The following TMEM255B variants were observed in gnomAD, a reference collection of about 807,000 sequenced individuals.
TMEM255B encodes family with sequence similarity 70, member B.
A neutral mutation model predicts 34.5 loss-of-function variants in TMEM255B; 35 were observed. That is an observed-to-expected ratio of 1.01 (90% CI 0.77 to 1.34). The LOEUF is 1.34. Ranked by LOEUF, TMEM255B falls within the 40% of genes most tolerant of loss-of-function variation. The pLI, the probability that TMEM255B is intolerant of heterozygous loss-of-function variation, is 0.00. For missense variants in TMEM255B, 432 were observed against 433.2 expected (o/e 1.00, Z 0.02); for synonymous variants, 206 against 201.2 (o/e 1.02, Z -0.20).
At chr13:113,767,819 G>GT (rs906379158) in intron 2 of TMEM255B, among the ~76,000 whole-genome samples, 4 of 152,146 alleles carry the variant, frequency 2.6e-5, no homozygotes, top group African/African-American at 4.8e-5. Flanking sequence ...GAAAGGTGTG[G>GT]TTTTTTTCAA....
At chr13:113,792,723 AGAG>A (rs2050852686) in intron 3 of TMEM255B, among the ~76,000 whole-genome samples, 1 of 152,262 alleles carries the variant, frequency 6.6e-6, no homozygotes, top group Admixed American at 6.5e-5. Context: ...ATTAGGCAGA[AGAG>A]GAGATTTTTA....
At position 113,806,259 on chromosome 13, in the gene TMEM255B, C is replaced by T. The variant is rs2051169777; in HGVS notation, c.813+1231C>T. 6.6e-6 allele frequency among the ~76,000 whole-genome samples: 1 copy of T among 152,080 alleles called. No homozygotes were observed. Among genetic ancestry groups the T allele is most frequent in the African/African-American group, 2.4e-5 (1 of 41,418 alleles). On this transcript the variant is annotated intron_variant, in intron 8 of 8. Transcript: ENST00000375353. The surrounding 1 kb of genome is among the most constrained non-coding windows in gnomAD (Gnocchi z 4.2). ...GGGACCCCGAGGAGGGAGCAGGAAC[C>T]AGCACTCATGGAGATGGTGCGTCTG...
At chr13:113,761,784 A>C (rs75345969) in intron 1 of TMEM255B, among the ~76,000 whole-genome samples, 2,336 of 152,288 alleles carry the variant, frequency 0.015, 50 homozygotes, top group African/African-American at 0.053. Flanking sequence ...TTTCCATCCT[A>C]CAGGTCAGGA....
At position 113,799,392 on chromosome 13, in the gene TMEM255B, G is replaced by T; in HGVS notation, c.396G>T (p.Gly132=). ...GRCQFYSSGV[G]YLYDVYQTEV... Reference sequence around the variant, plus strand: ...GCCAGTTTTACTCCAGTGGGGTGGGGTACTTGTACGATGTCTACCAGACAG... The same window carrying T: ...GCCAGTTTTACTCCAGTGGGGTGGGTTACTTGTACGATGTCTACCAGACAG... The change falls in exon 5 of 9, where the codon GGG becomes GGT. Residue 132 remains glycine (G), a synonymous_variant. Transcript: ENST00000375353. 1 of 1,614,158 alleles carries T rather than the reference G, an allele frequency of 6.2e-7. No individual in the cohort carries two copies. Among genetic ancestry groups the T allele is most frequent in the Middle Eastern group, 1.7e-4 (1 of 6,044 alleles).
intron 3 of TMEM255B, among the ~76,000 whole-genome samples, chr13:113,792,748 C>T (rs1219122675): frequency 6.6e-6 from 1 of 152,248 alleles, no homozygotes; most frequent in African/African-American, 2.4e-5. Context: ...ATTGCCACAG[C>T]CTGTAGAAAG....
intron 3 of TMEM255B, among the ~76,000 whole-genome samples, chr13:113,791,137 G>A (rs1446251065): frequency 6.6e-6 from 1 of 152,180 alleles, no homozygotes; most frequent in Non-Finnish European, 1.5e-5. Flanking sequence ...CCTCTCAACG[G>A]TCTGGGCCTG....
chr13:113,796,250 CCA>C (rs1321346570), intron 4 of TMEM255B, among the ~76,000 whole-genome samples: 4 of 149,864 alleles, frequency 2.7e-5, no homozygotes, highest in Admixed American at 2.7e-4. Context: ...ATAGCACACA[CCA>C]CAGAGTACAC....
intron 3 of TMEM255B, among the ~76,000 whole-genome samples, chr13:113,783,396 C>T (rs1177212153): frequency 3.3e-5 from 5 of 152,132 alleles, no homozygotes; most frequent in South Asian, 2.1e-4. Flanking sequence ...AGTTTATCTG[C>T]GTCGGCCTCA....
rs1379303823 is a variant in TMEM255B, at chr13:113,800,748, A to G, written c.424-79A>G. ...GCCTCAGTGGCCGCTCCCAGCTCCCATGAGGCAGCCCTGCCCTTGGTGGGG... is the reference window on the plus strand; with the variant it reads ...GCCTCAGTGGCCGCTCCCAGCTCCCGTGAGGCAGCCCTGCCCTTGGTGGGG... On this transcript the variant is annotated intron_variant, in intron 5 of 8. Transcript: ENST00000375353. 10 of 1,397,534 alleles carry G rather than the reference A, an allele frequency of 7.2e-6. No homozygotes were observed. In the East Asian group the frequency reaches 9.9e-5, roughly 14 times the overall value. 86.6% of individuals were successfully genotyped at this position (1,397,534 alleles called of 1,614,324 possible).
At chr13:113,774,958 A>G (rs1364510825) in intron 3 of TMEM255B, among the ~76,000 whole-genome samples, 1 of 146,652 alleles carries the variant, frequency 6.8e-6, no homozygotes, top group Non-Finnish European at 1.5e-5. Flanking sequence ...ACAACACACG[A>G]CACACACCAC....
At chr13:113,792,137 T>C (rs923398960) in intron 3 of TMEM255B, among the ~76,000 whole-genome samples, 1 of 152,258 alleles carries the variant, frequency 6.6e-6, no homozygotes, top group African/African-American at 2.4e-5. Context: ...TCTGTGTGTG[T>C]TTTTATGTAT....
chr13:113,802,521 C>T (rs1484724575), intron 7 of TMEM255B, among the ~76,000 whole-genome samples: 1 of 152,208 alleles, frequency 6.6e-6, no homozygotes, highest in African/African-American at 2.4e-5. Context: ...CGAGGGGCGC[C>T]CCCTCTTGCA....
At chr13:113,772,603 G>A (rs2050496032) in intron 3 of TMEM255B, among the ~76,000 whole-genome samples, 1 of 152,146 alleles carries the variant, frequency 6.6e-6, no homozygotes, top group South Asian at 2.1e-4. Flanking sequence ...TGTGAGGTAG[G>A]GACCCATGTT....
At chr13:113,771,747 C>T (rs1227183046) in intron 3 of TMEM255B, among the ~76,000 whole-genome samples, 1 of 152,188 alleles carries the variant, frequency 6.6e-6, no homozygotes, top group Non-Finnish European at 1.5e-5. Flanking sequence ...CTTATCCATA[C>T]ACCAGTTGAT....
In TMEM255B at chr13:113,806,514, G is replaced by A. The variant is rs2051175292; in HGVS notation, c.813+1486G>A. Among the ~76,000 whole-genome samples, 1 of 152,154 alleles carries A rather than the reference G, an allele frequency of 6.6e-6. No homozygotes were observed. Among genetic ancestry groups the A allele is most frequent in the Admixed American group, 6.5e-5 (1 of 15,286 alleles). On this transcript the variant is annotated intron_variant, in intron 8 of 8. Coordinates refer to ENST00000375353, the MANE Select transcript of TMEM255B (RefSeq NM_182614.4). This position sits in a 1 kb window ranked among gnomAD's most constrained non-coding sequence, Gnocchi z 4.2. The stretch of plus-strand genomic sequence containing the variant: ...GGGCCCTGCTCCCTGGGAACACAAG[G>A]CCCCTGCTGGAGGTCTGGCCTGGAA...
At chr13:113,765,742 C>T (rs532292056) in intron 1 of TMEM255B, among the ~76,000 whole-genome samples, 6 of 152,226 alleles carry the variant, frequency 3.9e-5, no homozygotes, top group East Asian at 1.9e-4. Context: ...TGTCTGTGAG[C>T]GAATGGTAAT....
intron 8 of TMEM255B, among the ~76,000 whole-genome samples, chr13:113,810,754 G>A (rs1566337837): frequency 1.3e-5 from 2 of 152,286 alleles, no homozygotes; most frequent in South Asian, 4.1e-4. Flanking sequence ...GGCACTGTAC[G>A]CAAGGGTGTC....
chr13:113,812,946 T>TCCCGGGTGGGTCACAGGC lies in TMEM255B; in HGVS notation c.*1057_*1058insAGGCCCCGGGTGGGTCAC. On this transcript the variant is annotated 3_prime_UTR_variant, in exon 9 of 9. Transcript: ENST00000375353. ...TCACGGGTCCCGGGTGGGTCACGGG[T>TCCCGGGTGGGTCACAGGC]CCCGGGTGGGTCACGGGCCCCGGGT... 1 of 110,266 alleles carries TCCCGGGTGGGTCACAGGC rather than the reference T, an allele frequency of 9.1e-6. No individual in the cohort carries two copies. Among genetic ancestry groups the TCCCGGGTGGGTCACAGGC allele is most frequent in the Admixed American group, 9.1e-5 (1 of 11,026 alleles). 6.8% of individuals were successfully genotyped at this position (110,266 alleles called of 1,614,324 possible).
chr13:113,802,095 GC>G (rs2051076993), intron 7 of TMEM255B, among the ~76,000 whole-genome samples: 1 of 152,184 alleles, frequency 6.6e-6, no homozygotes, highest in African/African-American at 2.4e-5. Context: ...CAAGAGGGAG[GC>G]CCAGCCCTTG....
Sources: allele counts gnomAD v4.1 joint callset (sites outside exome capture counted in the v4.1 genomes callset), GRCh38; gene constraint gnomAD v4.1.1; non-coding constraint Gnocchi (gnomAD v3.1); transcripts MANE v1.5; gene names NCBI Gene and HGNC (gene_info 2026-07-23, HGNC 2026-07-21).